PLA2G4C: variants seen among roughly 807,000 people sequenced by gnomAD.
PLA2G4C encodes the protein phospholipase A2 group IVC, also known as cytosolic phospholipase A2 gamma.
A neutral mutation model predicts 73.8 loss-of-function variants in PLA2G4C; 64 were observed. The observed-to-expected ratio is 0.87, with a 90% confidence interval of 0.71 to 1.07. The LOEUF is 1.07. PLA2G4C is among the 50% of genes least tolerant of loss of function. The pLI is 0.00. For missense variants in PLA2G4C, 622 were observed against 665.4 expected (o/e 0.93, Z 0.72); for synonymous variants, 254 against 252.1 (o/e 1.01, Z -0.07).
At chr19:48,066,436 C>G (rs1308913231) in intron 13 of PLA2G4C, among the ~76,000 whole-genome samples, 1 of 152,158 alleles carries the variant, frequency 6.6e-6, no homozygotes, top group Non-Finnish European at 1.5e-5. Flanking sequence ...GACCCGGCAG[C>G]TGCATGGCAT....
intron 4 of PLA2G4C, 91 bp downstream of exon 4, chr19:48,104,497 T>A: frequency 7.8e-7 from 1 of 1,279,226 alleles, no homozygotes; most frequent in Non-Finnish European, 1.1e-6. Flanking sequence ...AGAAGCAGCG[T>A]TGGAAAAAAC....
At chr19:48,082,661 GT>G (rs1159839488) in intron 10 of PLA2G4C, among the ~76,000 whole-genome samples, 1 of 151,050 alleles carries the variant, frequency 6.6e-6, no homozygotes, top group African/African-American at 2.4e-5. Context: ...ACCATGCCCA[GT>G]TAATTTTTAT....
chr19:48,099,289 T>C (rs1240518223), intron 5 of PLA2G4C, among the ~76,000 whole-genome samples: 1 of 151,766 alleles, frequency 6.6e-6, no homozygotes, highest in Non-Finnish European at 1.5e-5. Flanking sequence ...TGAAATAAAA[T>C]AAAATAGTGA....
At chr19:48,108,993 G>C (rs1172258419) in intron 1 of PLA2G4C, 1 of 152,102 alleles carries the variant, frequency 6.6e-6, no homozygotes, top group African/African-American at 2.4e-5. Flanking sequence ...AGGACTGGGG[G>C]TCAGTTTTCT....
In PLA2G4C at chr19:48,090,421, C is replaced by CA. The variant is rs1271545354; in HGVS notation, c.710-5_710-4insT. 6.2e-7 allele frequency: 1 copy of CA among 1,608,546 alleles called. No homozygotes were observed. Among genetic ancestry groups the CA allele is most frequent in the Non-Finnish European group, 8.5e-7 (1 of 1,175,126 alleles). ...CCAAGAGCACTTCCCCATAAACCTG[C>CA]CAAGAAAAGAGCAATAAAATTCAAA... On this transcript the variant is annotated splice_polypyrimidine_tract_variant and splice_region_variant and intron_variant, in intron 7 of 16. Coordinates refer to ENST00000599921, the MANE Select transcript of PLA2G4C (RefSeq NM_003706.3).
intron 12 of PLA2G4C, among the ~76,000 whole-genome samples, chr19:48,069,194 C>T (rs1404684274): frequency 6.6e-6 from 1 of 152,084 alleles, no homozygotes; most frequent in African/African-American, 2.4e-5. Context: ...TCAGATCCAG[C>T]ATCTATCATT....
chr19:48,067,833 T>G lies in PLA2G4C; in HGVS notation c.1060A>C (p.Lys354Gln). 1 of 1,613,878 alleles carries G rather than the reference T, an allele frequency of 6.2e-7. No individual in the cohort carries two copies. Among genetic ancestry groups the G allele is most frequent in the Non-Finnish European group, 8.5e-7 (1 of 1,179,812 alleles). ...FVKKTGICAS[K>Q]WEWGTTHNFL... ...TTGTGAGTGGTCCCCCATTCCCACT[T>G]TGAAGCGCAAATGCCTGTTTTCTTC... Residue 354 changes from lysine to glutamine, a missense_variant, in exon 13 of 17, where the codon AAG (lysine) becomes CAG (glutamine). Lys to Gln is a moderately conservative substitution (Grantham distance 53). Coordinates refer to ENST00000599921, the MANE Select transcript of PLA2G4C (RefSeq NM_003706.3).
At chr19:48,065,285 G>GA (rs1041515407) in intron 13 of PLA2G4C, among the ~76,000 whole-genome samples, 2 of 135,918 alleles carry the variant, frequency 1.5e-5, no homozygotes, top group African/African-American at 5.3e-5. Context: ...GTCGGGGGGG[G>GA]GCTTCCAGGT....
chr19:48,100,025 G>A lies in PLA2G4C; in HGVS notation c.258-165C>T, dbSNP rs369440933. ...CATTAAATAAATACAACTGCAGAAC[G>A]ATCAAGTTCGAAGGAGGACTCAAAA... On this transcript the variant is annotated intron_variant, in intron 4 of 16. Coordinates refer to ENST00000599921, the MANE Select transcript of PLA2G4C (RefSeq NM_003706.3). 363 of 511,750 alleles carry A rather than the reference G, an allele frequency of 7.1e-4. 1 individual carries two copies. The highest frequency in any genetic ancestry group is 6.1e-3 in the African/African-American group (311 of 51,148). 31.7% of individuals were successfully genotyped at this position (511,750 alleles called of 1,614,324 possible). A position where few individuals can be genotyped will look rare whatever the true frequency, so the allele number is the denominator to read the frequency against.
At chr19:48,107,885 T>C (rs1368299298) in intron 1 of PLA2G4C, among the ~76,000 whole-genome samples, 3 of 152,234 alleles carry the variant, frequency 2.0e-5, no homozygotes, top group South Asian at 2.1e-4. Flanking sequence ...ACATAAGCTA[T>C]CCTCTCTCTC....
At chr19:48,067,658 C>A (rs8100083) in intron 13 of PLA2G4C, 133 bp downstream of exon 13, 306,172 of 709,218 alleles carry the variant, frequency 0.43, 70,497 homozygotes, top group African/African-American at 0.76. Flanking sequence ...ATCCCTGGGC[C>A]CTTTGACACC....
intron 12 of PLA2G4C, among the ~76,000 whole-genome samples, chr19:48,070,314 A>C (rs1387269650): frequency 6.6e-6 from 1 of 152,204 alleles, no homozygotes; most frequent in Non-Finnish European, 1.5e-5. Flanking sequence ...AGTTGACTTC[A>C]AGAAGATTAT....
chr19:48,086,839 A>G (rs1317667349), intron 9 of PLA2G4C, among the ~76,000 whole-genome samples: 1 of 152,184 alleles, frequency 6.6e-6, no homozygotes, highest in Non-Finnish European at 1.5e-5. Context: ...TCAGTTCATT[A>G]CTACTATAAC....
Position 48,062,067 on chromosome 19 carries a change from G to C in PLA2G4C, c.1188C>G (p.Leu396=), listed in dbSNP as rs754810791. ...GAACCTCCCGCGTCGGGGGCAGCACGAGTGGGAAGGGAGTGTTGATGGCTA... is the reference window on the plus strand; with the variant it reads ...GAACCTCCCGCGTCGGGGGCAGCACCAGTGGGAAGGGAGTGTTGATGGCTA... ...AGLAINTPFP[L]VLPPTREVHL... The change falls in exon 14 of 17, where the codon CTC becomes CTG. Residue 396 remains leucine, a synonymous_variant. Coordinates refer to ENST00000599921, the MANE Select transcript of PLA2G4C (RefSeq NM_003706.3). The C allele has an allele frequency of 5.6e-6, 9 of 1,613,826 alleles. No homozygotes were observed. In the East Asian group the frequency reaches 8.9e-5, roughly 16 times the overall value.
chr19:48,052,667 C>T (rs1967769950), intron 16 of PLA2G4C, among the ~76,000 whole-genome samples: 1 of 152,192 alleles, frequency 6.6e-6, no homozygotes, highest in African/African-American at 2.4e-5. Context: ...CCTCACAGAT[C>T]CCAGAAGGAA....
At chr19:48,083,392 CTTT>C in intron 10 of PLA2G4C, among the ~76,000 whole-genome samples, 1,153 of 105,806 alleles carry the variant, frequency 0.011, 16 homozygotes, top group African/African-American at 0.031. Flanking sequence ...ATTTTCTTTT[CTTT>C]TTTTTTTTTT....
intron 14 of PLA2G4C, among the ~76,000 whole-genome samples, chr19:48,056,377 G>A (rs1411246314): frequency 2.0e-5 from 3 of 151,896 alleles, no homozygotes; most frequent in East Asian, 1.9e-4. Flanking sequence ...GTGAAACCCC[G>A]TCTCTACTAA....
intron 10 of PLA2G4C, among the ~76,000 whole-genome samples, chr19:48,082,496 C>CTTTTTTTTTTTTTTTTTTTT (rs66641645): frequency 1.4e-4 from 15 of 106,276 alleles, no homozygotes; most frequent in Admixed American, 3.6e-4. Context: ...TTCTTTCTTT[C>CTTTTTTTTTTTTTTTTTTTT]TTTTTTTTTT....
At chr19:48,086,240 C>G (rs2030967798) in intron 9 of PLA2G4C, among the ~76,000 whole-genome samples, 1 of 152,160 alleles carries the variant, frequency 6.6e-6, no homozygotes, top group Admixed American at 6.5e-5. Flanking sequence ...GTTCTGAGCA[C>G]AGGCTGCCTG....
Sources: allele counts gnomAD v4.1 joint callset (sites outside exome capture counted in the v4.1 genomes callset), GRCh38; gene constraint gnomAD v4.1.1; transcripts MANE v1.5; gene names NCBI Gene and HGNC (gene_info 2026-07-23, HGNC 2026-07-21).